TTC6: variants seen among roughly 807,000 people sequenced by gnomAD.
TTC6 encodes the protein tetratricopeptide repeat protein 6.
Under a neutral mutation model 210.4 loss-of-function variants are expected in TTC6, and 172 were observed. That is an observed-to-expected ratio of 0.82 (90% CI 0.72 to 0.93). The LOEUF (loss-of-function observed/expected upper bound fraction) is 0.93, where lower values mean the gene tolerates loss of function less well. Among genes scored for constraint, TTC6 ranks in the 40% least tolerant of loss-of-function variants. The pLI is 0.00. For synonymous variants in TTC6, 804 were observed against 819.6 expected, an observed-to-expected ratio of 0.98 and a Z score of 0.32; for missense variants, 2,414 against 2,318.1, an observed-to-expected ratio of 1.04 and a Z score of -0.85.
chr14:37,719,889 C>G (rs1018962683), intron 6 of TTC6, among the ~76,000 whole-genome samples: 1 of 151,842 alleles, frequency 6.6e-6, no homozygotes, highest in Non-Finnish European at 1.5e-5. Context: ...CTACAAAAGA[C>G]CCTGTTAAGA....
intron 1 of TTC6, among the ~76,000 whole-genome samples, chr14:37,667,687 G>C (rs1430253740): frequency 6.6e-6 from 1 of 150,612 alleles, no homozygotes; most frequent in Non-Finnish European, 1.5e-5. Context: ...TGAGAATAAG[G>C]GGTGTTTATA....
upstream of TTC6, among the ~76,000 whole-genome samples, chr14:37,617,155 A>C (rs1595014845): frequency 6.6e-6 from 1 of 152,304 alleles, no homozygotes; most frequent in Non-Finnish European, 1.5e-5. Context: ...GGATTGCAAG[A>C]TGAGCCACTG....
intron 1 of TTC6, among the ~76,000 whole-genome samples, chr14:37,633,583 C>T (rs1267886559): frequency 6.6e-6 from 1 of 152,190 alleles, no homozygotes; most frequent in African/African-American, 2.4e-5. Flanking sequence ...ATCTTGCCAG[C>T]AGGTATTTCT....
intron 6 of TTC6, among the ~76,000 whole-genome samples, chr14:37,723,099 G>T (rs759509258): frequency 2.6e-5 from 4 of 151,944 alleles, no homozygotes; most frequent in Non-Finnish European, 5.9e-5. Context: ...TTGGCCATTG[G>T]GAACTCCTTC....
At chr14:37,787,517 A>G (rs769486447) in exon 15 of TTC6, 121 of 1,530,970 alleles carry the variant, frequency 7.9e-5, no homozygotes, top group Middle Eastern at 1.7e-4. Context: ...TAAAGAAGCA[A>G]CTCAAGATTT....
At chr14:37,791,689 G>A (rs1428375174) in intron 16 of TTC6, among the ~76,000 whole-genome samples, 3 of 152,174 alleles carry the variant, frequency 2.0e-5, no homozygotes, top group Non-Finnish European at 2.9e-5. Context: ...CAGGGATTCT[G>A]TGAGGTTGGA....
At chr14:37,745,142 C>A (rs948190722) in intron 10 of TTC6, among the ~76,000 whole-genome samples, 5 of 151,998 alleles carry the variant, frequency 3.3e-5, no homozygotes, top group African/African-American at 1.2e-4. Flanking sequence ...TTCTCCTAAA[C>A]TAGGGAAATG....
exon 16 of TTC6, chr14:37,790,758 C>T (rs1427117344): frequency 1.3e-6 from 2 of 1,534,458 alleles, no homozygotes; most frequent in South Asian, 2.4e-5. Flanking sequence ...TTGTTTTCTA[C>T]ATCGGGGAAT....
At chr14:37,731,559 C>T (rs1358966450) in intron 7 of TTC6, among the ~76,000 whole-genome samples, 1 of 151,676 alleles carries the variant, frequency 6.6e-6, no homozygotes, top group Non-Finnish European at 1.5e-5. Flanking sequence ...CTATATTTTC[C>T]TGTAATAGTG....
intron 24 of TTC6, among the ~76,000 whole-genome samples, chr14:37,809,168 A>T (rs1443181376): frequency 6.6e-6 from 1 of 152,144 alleles, no homozygotes; most frequent in Non-Finnish European, 1.5e-5. Flanking sequence ...GATAATGCTT[A>T]TAGAAGTATT....
chr14:37,792,675 A>G (rs568058615), intron 17 of TTC6, among the ~76,000 whole-genome samples: 2 of 151,736 alleles, frequency 1.3e-5, no homozygotes, highest in African/African-American at 4.8e-5. Flanking sequence ...TACTTATTGC[A>G]GGTAATATAT....
intron 3 of TTC6, among the ~76,000 whole-genome samples, chr14:37,695,123 A>C (rs1319325184): frequency 6.6e-6 from 1 of 151,996 alleles, no homozygotes; most frequent in Non-Finnish European, 1.5e-5. Context: ...TGTTAAGTGA[A>C]ATAATCCAGG....
chr14:37,646,526 G>C (rs145378635), intron 1 of TTC6, among the ~76,000 whole-genome samples: 1 of 152,090 alleles, frequency 6.6e-6, no homozygotes, highest in East Asian at 1.9e-4. Flanking sequence ...CAATTTCAGG[G>C]TAAAACAAAA....
chr14:37,728,835 T>C (rs555993986), intron 7 of TTC6, among the ~76,000 whole-genome samples: 43 of 152,322 alleles, frequency 2.8e-4, no homozygotes, highest in African/African-American at 9.6e-4. Context: ...GAATGCTTAC[T>C]TGTAGTAAAA....
rs559472772 is a variant in TTC6, at chr14:37,738,160, A to G, written c.1983+426A>G. On this transcript the variant is annotated intron_variant, in intron 9 of 30. Transcript: ENST00000553443. ...TTAGAGTTTCAAGTATTAATGCATAATTATTAAAATTATATAATTATTAAT... is the reference window on the plus strand; with the variant it reads ...TTAGAGTTTCAAGTATTAATGCATAGTTATTAAAATTATATAATTATTAAT... Among the ~76,000 whole-genome samples, 5 of 150,384 alleles carry G rather than the reference A, an allele frequency of 3.3e-5. No individual in the cohort carries two copies. The South Asian group carries it at 1.0e-3, about 31-fold the overall frequency.
intron 1 of TTC6, among the ~76,000 whole-genome samples, chr14:37,673,484 A>G (rs2095762461): frequency 1.3e-5 from 2 of 152,262 alleles, no homozygotes; most frequent in Admixed American, 1.3e-4. Context: ...CTTTTGGCCT[A>G]TGCTATTTGG....
At chr14:37,608,510 T>G (rs1164298512) in intron 2 of TTC6, among the ~76,000 whole-genome samples, 1 of 152,114 alleles carries the variant, frequency 6.6e-6, no homozygotes, top group Non-Finnish European at 1.5e-5. Context: ...TTTCACTATA[T>G]TGCTCAGGCT....
chr14:37,758,235 T>C (rs554958310), intron 14 of TTC6, among the ~76,000 whole-genome samples: 1 of 152,310 alleles, frequency 6.6e-6, no homozygotes, highest in African/African-American at 2.4e-5. Flanking sequence ...TGAATATCCT[T>C]GTCAATTTTT....
At chr14:37,770,820 T>A (rs1246686110) in intron 14 of TTC6, among the ~76,000 whole-genome samples, 2 of 150,278 alleles carry the variant, frequency 1.3e-5, no homozygotes, top group Non-Finnish European at 3.0e-5. Flanking sequence ...GTTAATATTG[T>A]TATGTGTGAA....
Sources: allele counts gnomAD v4.1 joint callset (sites outside exome capture counted in the v4.1 genomes callset), GRCh38; gene constraint gnomAD v4.1.1; transcripts MANE v1.5; gene names NCBI Gene and HGNC (gene_info 2026-07-23, HGNC 2026-07-21).